Variants in CTNNA2 observed in about 807,000 individuals in gnomAD.
CTNNA2 encodes catenin alpha 2, also known as catenin alpha-2.
CTNNA2 carries 42 observed loss-of-function variants against 101.0 expected under a neutral mutation model. The observed-to-expected ratio is 0.42, with a 90% CI of 0.32 to 0.54. CTNNA2 has a LOEUF of 0.54. Ranked by LOEUF, CTNNA2 falls within the 20% of genes least tolerant of loss-of-function variation. The pLI, the probability that CTNNA2 is intolerant of heterozygous loss-of-function variation, is 0.14. For missense variants in CTNNA2, 871 were observed against 1,223.1 expected (o/e 0.71, Z 4.29); for synonymous variants, 450 against 456.4 (o/e 0.99, Z 0.18).
chr2:79,774,322 CCTTCT>C (rs1297417300), intron 3 of CTNNA2, among the ~76,000 whole-genome samples: 2 of 152,148 alleles, frequency 1.3e-5, no homozygotes, highest in Non-Finnish European at 2.9e-5. Context: ...GCCATTTGAA[CCTTCT>C]AGCCTAGCTG....
intron 3 of CTNNA2, among the ~76,000 whole-genome samples, chr2:79,795,760 G>A (rs543936765): frequency 6.6e-6 from 1 of 152,250 alleles, no homozygotes; most frequent in East Asian, 1.9e-4. Context: ...CAGTTTGAAA[G>A]AAGAGACATA....
intron 2 of CTNNA2, among the ~76,000 whole-genome samples, chr2:79,304,922 C>T (rs1394170521): frequency 6.6e-6 from 1 of 152,148 alleles, no homozygotes; most frequent in African/African-American, 2.4e-5. Context: ...TATCCGCCAT[C>T]CTTATGCATA....
chr2:79,874,958 G>C (rs1346042910), intron 6 of CTNNA2, among the ~76,000 whole-genome samples: 1 of 152,176 alleles, frequency 6.6e-6, no homozygotes, highest in Admixed American at 6.5e-5. Flanking sequence ...CTAGATGTAC[G>C]TTGCCTCTAT....
chr2:79,941,959 G>A (rs184772875), intron 7 of CTNNA2, among the ~76,000 whole-genome samples: 15 of 152,202 alleles, frequency 9.9e-5, no homozygotes, highest in Non-Finnish European at 2.9e-5. Flanking sequence ...AATTCTTAAA[G>A]ATCCTACAAT....
chr2:79,271,324 G>A (rs1282577471), intron 2 of CTNNA2, among the ~76,000 whole-genome samples: 2 of 151,978 alleles, frequency 1.3e-5, no homozygotes, highest in Non-Finnish European at 2.9e-5. Context: ...CCAGGTGGTG[G>A]CTTCCCCCTG....
chr2:80,189,812 A>T (rs575684803), intron 7 of CTNNA2, among the ~76,000 whole-genome samples: 1 of 152,290 alleles, frequency 6.6e-6, no homozygotes, highest in South Asian at 2.1e-4. Flanking sequence ...TCCCCATAAG[A>T]AAATGTTCCA....
chr2:79,925,416 C>A (rs1262392755), intron 7 of CTNNA2, among the ~76,000 whole-genome samples: 1 of 152,068 alleles, frequency 6.6e-6, no homozygotes, highest in Non-Finnish European at 1.5e-5. Context: ...AAATTCAGGA[C>A]AACCATTAGG....
At chr2:79,225,685 T>C (rs557444724) in intron 2 of CTNNA2, among the ~76,000 whole-genome samples, 1 of 152,238 alleles carries the variant, frequency 6.6e-6, no homozygotes, top group South Asian at 2.1e-4. Context: ...AAATGAGTAA[T>C]ATTTGAGTTA....
intron 7 of CTNNA2, among the ~76,000 whole-genome samples, chr2:80,230,267 T>TG (rs1709123923): frequency 6.6e-6 from 1 of 150,720 alleles, no homozygotes; most frequent in Non-Finnish European, 1.5e-5. Flanking sequence ...TTTGTTTTTT[T>TG]TTTTTTTTTT....
At chr2:79,457,326 G>A (rs868429099) in intron 4 of CTNNA2, among the ~76,000 whole-genome samples, 8 of 151,964 alleles carry the variant, frequency 5.3e-5, no homozygotes, top group African/African-American at 1.9e-4. Flanking sequence ...CCTTTCCAAA[G>A]TCCACAGCAA....
intron 9 of CTNNA2, among the ~76,000 whole-genome samples, chr2:80,449,583 A>C (rs780285809): frequency 1.1e-4 from 16 of 152,216 alleles, no homozygotes; most frequent in Non-Finnish European, 2.4e-4. Context: ...TCTGTAAGGC[A>C]GGAACATTTA....
chr2:79,214,581 G>T (rs1161796447), intron 2 of CTNNA2, among the ~76,000 whole-genome samples: 2 of 152,100 alleles, frequency 1.3e-5, no homozygotes, highest in Non-Finnish European at 2.9e-5. Flanking sequence ...GCGGGGTAAG[G>T]GTGATTAGGT....
At chr2:79,922,456 A>G (rs1686730360) in intron 7 of CTNNA2, among the ~76,000 whole-genome samples, 1 of 152,038 alleles carries the variant, frequency 6.6e-6, no homozygotes, top group South Asian at 2.1e-4. Context: ...GGATGTGGTA[A>G]ATGCTGCACC....
rs75112076 is a variant in CTNNA2 at position 79,421,337 on chromosome 2, C to A, written c.-135+47324C>A. ...TAGCAACTTTGGAGGCAGAGGGAGA[C>A]AAAGGAACTTACGCGAGAGCTGAGA... On this transcript the variant is annotated intron_variant, in intron 4 of 21. Transcript: ENST00000466387. Among the ~76,000 whole-genome samples the A allele has an allele frequency of 9.0e-4, 137 of 152,004 alleles. 4 individuals are homozygous for A. The East Asian group carries it at 0.022, about 24-fold the overall frequency.
chr2:79,789,810 G>A (rs1386714706), intron 3 of CTNNA2, among the ~76,000 whole-genome samples: 2 of 152,022 alleles, frequency 1.3e-5, no homozygotes, highest in Non-Finnish European at 2.9e-5. Flanking sequence ...CAAGACTTCT[G>A]GGAAGATGGC....
At chr2:80,554,591 G>A (rs965982318) in intron 11 of CTNNA2, among the ~76,000 whole-genome samples, 41 of 151,910 alleles carry the variant, frequency 2.7e-4, no homozygotes, top group Non-Finnish European at 4.7e-4. Flanking sequence ...AAAGAGGGAG[G>A]GATCTCTGAG....
chr2:79,647,436 T>A (rs1680898979), intron 1 of CTNNA2, among the ~76,000 whole-genome samples: 1 of 152,220 alleles, frequency 6.6e-6, no homozygotes, highest in South Asian at 2.1e-4. Flanking sequence ...GATTTTTCAT[T>A]TGAGGAAACT....
At chr2:79,524,748 A>G (rs570328781) in intron 1 of CTNNA2, 1 of 152,086 alleles carries the variant, frequency 6.6e-6, no homozygotes, top group African/African-American at 2.4e-5. Context: ...ATTATTCTCA[A>G]TATCTGTCTT....
Position 79,874,078 on chromosome 2 carries a change from G to T in CTNNA2, c.588G>T (p.Glu196Asp). ...GCTTTCATGTGTTACACACACAGGAGCTGAAGGATCCTCACTGTCGGGATG... is the reference window on the plus strand; with the variant it reads ...GCTTTCATGTGTTACACACACAGGATCTGAAGGATCCTCACTGTCGGGATG... ...LNYVAARRQQ[E>D]LKDPHCRDEM... The change falls in exon 6 of 19, where the codon GAG becomes GAT. Residue 196 changes from glutamate (E) to aspartate (D), a missense_variant and splice_region_variant. By Grantham distance (45) the Glu-to-Asp change is conservative. Coordinates refer to ENST00000402739, the MANE Select transcript of CTNNA2 (RefSeq NM_001282597.3). 6.2e-7 allele frequency: 1 copy of T among 1,614,048 alleles called. No homozygotes were observed. Among genetic ancestry groups the T allele is most frequent in the Non-Finnish European group, 8.5e-7 (1 of 1,179,986 alleles).
Sources: gnomAD v4.1 joint callset for allele counts (sites outside exome capture counted in the v4.1 genomes callset) on GRCh38, gnomAD v4.1.1 for gene constraint, MANE v1.5 for transcripts, NCBI Gene and HGNC (gene_info 2026-07-23, HGNC 2026-07-21) for gene names.